The following NPY2R variants were observed in gnomAD, a reference collection of about 807,000 sequenced individuals.
The protein encoded by NPY2R is neuropeptide Y receptor type 2.
In NPY2R, 17 loss-of-function variants were observed where a neutral mutation model predicts 22.3. That is an observed-to-expected ratio of 0.76 (90% CI 0.52 to 1.14). The LOEUF (loss-of-function observed/expected upper bound fraction) is 1.14. NPY2R is among the 50% of genes most tolerant of loss of function. The pLI is 0.00. For synonymous variants in NPY2R, 209 were observed against 183.4 expected, an observed-to-expected ratio of 1.14 and a Z score of -1.13; for missense variants, 424 against 467.9, an observed-to-expected ratio of 0.91 and a Z score of 0.87.
chr4:155,177,399 C>G, the NPY2R span, among the ~76,000 whole-genome samples: 1 of 152,150 alleles, frequency 6.6e-6, no homozygotes, highest in Admixed American at 6.5e-5. Flanking sequence ...GAGTAAGTCC[C>G]CAACTCAACA....
the NPY2R span, among the ~76,000 whole-genome samples, chr4:155,186,873 G>A: frequency 6.6e-6 from 1 of 152,038 alleles, no homozygotes; most frequent in African/African-American, 2.4e-5. Context: ...ATAAACTTGG[G>A]TTCTTATATA....
At chr4:155,213,218 G>A (rs1729441551) in intron 1 of NPY2R, among the ~76,000 whole-genome samples, 1 of 152,080 alleles carries the variant, frequency 6.6e-6, no homozygotes, top group Non-Finnish European at 1.5e-5. Context: ...ACTAAAATCT[G>A]ATTTTACTAC....
At chr4:155,174,815 A>T in the NPY2R span, among the ~76,000 whole-genome samples, 2 of 152,004 alleles carry the variant, frequency 1.3e-5, no homozygotes, top group Non-Finnish European at 2.9e-5. Flanking sequence ...ATATTCAGGC[A>T]TTGCCATGAA....
At chr4:155,204,946 G>A (rs769088280), upstream of NPY2R, among the ~76,000 whole-genome samples, 13 of 151,832 alleles carry the variant, frequency 8.6e-5, no homozygotes, top group African/African-American at 2.2e-4. Flanking sequence ...TCTGGCAGTC[G>A]GCCCTGCAGA....
the NPY2R span, among the ~76,000 whole-genome samples, chr4:155,198,878 T>C: frequency 2.0e-5 from 3 of 151,886 alleles, no homozygotes; most frequent in Non-Finnish European, 4.4e-5. Flanking sequence ...TCCTGGGCTA[T>C]ACTACCCAGT....
rs550095329 is a variant in NPY2R, at chr4:155,214,773, G to A, written c.834G>A (p.Ala278=). The A allele has an allele frequency of 6.2e-5, 100 of 1,613,972 alleles. No individual in the cohort carries two copies. The South Asian group carries it at 8.6e-4, about 14-fold the overall frequency. The change falls in exon 2 of 2, where the codon GCG becomes GCA. Residue 278 remains alanine (A), a synonymous_variant. Transcript: ENST00000329476. The part of the protein sequence containing the change: ...KMLVCVVVVF[A]VSWLPLHAFQ... ...TGGTGTGTGTGGTGGTGGTGTTTGC[G>A]GTCAGCTGGCTGCCTCTCCATGCCT... is the stretch of plus-strand genomic sequence containing the variant.
the NPY2R span, among the ~76,000 whole-genome samples, chr4:155,193,867 T>C: frequency 2.0e-5 from 3 of 151,862 alleles, no homozygotes; most frequent in South Asian, 6.2e-4. Context: ...CAAACACAGA[T>C]GAAACAAACA....
chr4:155,181,399 G>T, the NPY2R span, among the ~76,000 whole-genome samples: 1 of 152,000 alleles, frequency 6.6e-6, no homozygotes, highest in Non-Finnish European at 1.5e-5. Context: ...AATAAACGTT[G>T]GAATACATAT....
At chr4:155,193,019 T>C in the NPY2R span, among the ~76,000 whole-genome samples, 1 of 151,782 alleles carries the variant, frequency 6.6e-6, no homozygotes, top group Admixed American at 6.6e-5. Context: ...AAATCTGGTG[T>C]TTGAGAGTAA....
chr4:155,198,905 A>C, the NPY2R span, among the ~76,000 whole-genome samples: 3 of 152,034 alleles, frequency 2.0e-5, no homozygotes, highest in African/African-American at 7.2e-5. Flanking sequence ...AGTGTTGAGA[A>C]TGTGGCAGTT....
chr4:155,211,820 C>T (rs957520095), intron 1 of NPY2R, among the ~76,000 whole-genome samples: 3 of 152,318 alleles, frequency 2.0e-5, no homozygotes, highest in Admixed American at 1.3e-4. Context: ...GCCCCCGGAA[C>T]AGGGACACCC....
chr4:155,174,484 A>ATATATATATATATATATTTTTTTT, the NPY2R span, among the ~76,000 whole-genome samples: 11 of 106,068 alleles, frequency 1.0e-4, no homozygotes, highest in African/African-American at 5.0e-4. Context: ...ATATATATAT[A>ATATATATATATATATATTTTTTTT]TTTTTTTTTT....
the NPY2R span, among the ~76,000 whole-genome samples, chr4:155,187,008 T>C: frequency 6.6e-6 from 1 of 152,190 alleles, no homozygotes; most frequent in African/African-American, 2.4e-5. Flanking sequence ...ATGTCAGTCT[T>C]ATTATTCTCT....
At chr4:155,182,543 T>A in the NPY2R span, among the ~76,000 whole-genome samples, 8 of 152,246 alleles carry the variant, frequency 5.3e-5, 1 homozygote, top group East Asian at 1.4e-3. Flanking sequence ...ACAGAGCGAA[T>A]GATGTTTAAA....
chr4:155,207,272 G>A (rs1729300741), upstream of NPY2R: 1 of 151,900 alleles, frequency 6.6e-6, no homozygotes, highest in African/African-American at 2.4e-5. Context: ...TAACATCTTG[G>A]AGAATATGTA....
chr4:155,195,935 A>G, the NPY2R span, among the ~76,000 whole-genome samples: 1 of 152,086 alleles, frequency 6.6e-6, no homozygotes, highest in Non-Finnish European at 1.5e-5. Context: ...AAAATAACTC[A>G]GTGATGATAA....
At chr4:155,200,389 A>G in the NPY2R span, among the ~76,000 whole-genome samples, 1 of 152,202 alleles carries the variant, frequency 6.6e-6, no homozygotes, top group Non-Finnish European at 1.5e-5. Context: ...AAATAGGAAC[A>G]CTTTAACACT....
chr4:155,182,251 G>A, the NPY2R span, among the ~76,000 whole-genome samples: 1 of 152,092 alleles, frequency 6.6e-6, no homozygotes, highest in African/African-American at 2.4e-5. Flanking sequence ...TATAATTTGA[G>A]TCAGCTACCA....
intron 1 of NPY2R, among the ~76,000 whole-genome samples, chr4:155,210,461 G>A (rs1451607299): frequency 1.3e-5 from 2 of 152,128 alleles, no homozygotes; most frequent in African/African-American, 4.8e-5. Flanking sequence ...ATTTAGTCAG[G>A]TATAACCTCC....
Sources: allele counts gnomAD v4.1 joint callset (sites outside exome capture counted in the v4.1 genomes callset), GRCh38; gene constraint gnomAD v4.1.1; transcripts MANE v1.5; gene names NCBI Gene and HGNC (gene_info 2026-07-23, HGNC 2026-07-21).